The following PSMD11 variants were observed in gnomAD, a reference collection of about 807,000 sequenced individuals.
PSMD11 encodes proteasome 26S subunit, non-ATPase 11.
PSMD11 carries 5 observed loss-of-function variants against 62.3 expected under a neutral mutation model. The observed-to-expected ratio is 0.08, with a 90% CI of 0.04 to 0.17. The LOEUF is 0.17. PSMD11 is among the 10% of genes least tolerant of loss of function. The pLI is 1.00. For synonymous variants in PSMD11, 191 were observed against 191.8 expected (o/e 1.00, Z 0.03); for missense variants, 310 against 512.9 (o/e 0.60, Z 3.82).
At chr17:32,458,304 T>C (rs1907709757) in intron 3 of PSMD11, among the ~76,000 whole-genome samples, 1 of 152,172 alleles carries the variant, frequency 6.6e-6, no homozygotes, top group South Asian at 2.1e-4. Context: ...TTTTCTATAA[T>C]ACAACCTACT....
intron 8 of PSMD11, 115 bp downstream of exon 8, chr17:32,474,939 C>A: frequency 2.1e-6 from 2 of 948,170 alleles, no homozygotes; most frequent in Non-Finnish European, 1.7e-6. Context: ...CTTCCTTCTG[C>A]CCCACTCACT....
chr17:32,444,903 T>G, intron 1 of PSMD11: 4 of 484,514 alleles, frequency 8.3e-6, no homozygotes, highest in Admixed American at 4.0e-5. Context: ...GATCCCTCCC[T>G]AGCCATGTCC....
At chr17:32,478,970 T>A (rs1160179299) in intron 9 of PSMD11, among the ~76,000 whole-genome samples, 1 of 152,182 alleles carries the variant, frequency 6.6e-6, no homozygotes, top group Non-Finnish European at 1.5e-5. Flanking sequence ...AGATGGAGGC[T>A]CTCTGTGTTG....
At position 32,477,681 on chromosome 17, in the gene PSMD11, A is replaced by G. The variant is rs1023955299; in HGVS notation, c.912+98A>G. On this transcript the variant is annotated intron_variant, in intron 9 of 13. Transcript: ENST00000261712. Reference sequence around the variant, plus strand: ...TTAAAAATAATTATAGTTTCAAAAGAAGTTGCAAATGATTCCATGTATCCT... The same window carrying G: ...TTAAAAATAATTATAGTTTCAAAAGGAGTTGCAAATGATTCCATGTATCCT... The G allele has an allele frequency of 6.8e-6, 8 of 1,170,880 alleles. No homozygotes were observed. The African/African-American group carries it at 1.1e-4, about 16-fold the overall frequency. The allele number at this position is 1,170,880 out of a possible 1,614,324, so 72.5% of individuals were successfully genotyped here.
At chr17:32,463,911 T>G (rs1907916525) in intron 3 of PSMD11, 138 bp from the exon 4 acceptor site, 7 of 761,638 alleles carry the variant, frequency 9.2e-6, no homozygotes, top group Admixed American at 2.1e-5. Flanking sequence ...TATTACACAT[T>G]GAGATACTGT....
At chr17:32,473,353 C>T (rs538149564) in intron 6 of PSMD11, among the ~76,000 whole-genome samples, 2 of 151,638 alleles carry the variant, frequency 1.3e-5, no homozygotes, top group Admixed American at 6.6e-5. Flanking sequence ...CTCGGCTCAC[C>T]GCAACCTCCG....
intron 2 of PSMD11, among the ~76,000 whole-genome samples, chr17:32,452,508 A>G (rs907811047): frequency 1.3e-5 from 2 of 152,246 alleles, no homozygotes; most frequent in Non-Finnish European, 2.9e-5. Flanking sequence ...TTATTTTTGT[A>G]GATGACTCAG....
At chr17:32,450,657 G>A (rs1189600533) in intron 2 of PSMD11, among the ~76,000 whole-genome samples, 1 of 151,470 alleles carries the variant, frequency 6.6e-6, no homozygotes, top group Non-Finnish European at 1.5e-5. Flanking sequence ...GATTTTATGG[G>A]ACTTAAAAAA....
chr17:32,478,463 T>C (rs1044754094), intron 9 of PSMD11, among the ~76,000 whole-genome samples: 1 of 152,222 alleles, frequency 6.6e-6, no homozygotes, highest in Non-Finnish European at 1.5e-5. Context: ...ACATGAATAC[T>C]TGGTCTAGAT....
intron 2 of PSMD11, among the ~76,000 whole-genome samples, chr17:32,448,537 T>C (rs1310435339): frequency 6.6e-6 from 1 of 151,864 alleles, no homozygotes; most frequent in Non-Finnish European, 1.5e-5. Context: ...CCGGCTAATT[T>C]TGTATTTTTT....
Position 32,477,599 on chromosome 17 carries a change from G to T in PSMD11, c.912+16G>T, listed in dbSNP as rs755356802. 1.3e-6 allele frequency: 2 copies of T among 1,595,120 alleles called. No individual in the cohort carries two copies. Among genetic ancestry groups the T allele is most frequent in the Admixed American group, 3.4e-5 (2 of 59,246 alleles). On this transcript the variant is annotated intron_variant, in intron 9 of 13. Transcript: ENST00000261712. The stretch of plus-strand genomic sequence containing the variant: ...TTTTGAAAAGGTGAGTATGATATTG[G>T]GTTGGTATGGAATGTGAGTGGAAGA...
At chr17:32,452,316 T>C (rs553849809) in intron 2 of PSMD11, among the ~76,000 whole-genome samples, 103 of 152,314 alleles carry the variant, frequency 6.8e-4, no homozygotes, top group African/African-American at 2.3e-3. Flanking sequence ...TGCCATAATA[T>C]TAATATCACA....
chr17:32,450,514 G>A (rs540116977), intron 2 of PSMD11, among the ~76,000 whole-genome samples: 2 of 148,846 alleles, frequency 1.3e-5, no homozygotes, highest in African/African-American at 5.0e-5. Flanking sequence ...TGATCCACCC[G>A]CCTTGGCCTC....
At position 32,479,998 on chromosome 17, in the gene PSMD11, A is replaced by C. The variant is rs977265596; in HGVS notation, c.1074+112A>C. Reference sequence around the variant, plus strand: ...AAGCTCCCCAGCTTCTCAGTGGGGAATGGGCAGTGTGGACTAGAGTAGGAG... The same window carrying C: ...AAGCTCCCCAGCTTCTCAGTGGGGACTGGGCAGTGTGGACTAGAGTAGGAG... On this transcript the variant is annotated intron_variant, in intron 11 of 13. Coordinates refer to ENST00000261712, the MANE Select transcript of PSMD11 (RefSeq NM_002815.4). 8 of 1,484,300 alleles carry C rather than the reference A, an allele frequency of 5.4e-6. No homozygotes were observed. The African/African-American group carries it at 1.1e-4, about 21-fold the overall frequency. The allele number at this position is 1,484,300 out of a possible 1,614,324, so 91.9% of individuals were successfully genotyped here.
intron 12 of PSMD11, 110 bp from the exon 13 acceptor site, chr17:32,480,379 A>G: frequency 1.3e-6 from 2 of 1,485,638 alleles, no homozygotes; most frequent in Non-Finnish European, 1.9e-6. Flanking sequence ...GATGAATTCT[A>G]TTTCCCTTCT....
chr17:32,470,772 G>A (rs1376686144), intron 6 of PSMD11, among the ~76,000 whole-genome samples: 1 of 152,174 alleles, frequency 6.6e-6, no homozygotes, highest in Non-Finnish European at 1.5e-5. Flanking sequence ...GGGAGATGTG[G>A]AAAAATGGAG....
intron 8 of PSMD11, among the ~76,000 whole-genome samples, chr17:32,475,445 CTTGA>C (rs1443539482): frequency 1.3e-5 from 2 of 151,678 alleles, no homozygotes; most frequent in Admixed American, 6.6e-5. Flanking sequence ...TTGTATTTTG[CTTGA>C]TTATCACTAG....
intron 10 of PSMD11, 137 bp from the exon 11 acceptor site, chr17:32,479,714 A>C: frequency 9.9e-7 from 1 of 1,006,824 alleles, no homozygotes; most frequent in East Asian, 2.6e-5. Flanking sequence ...AGAGAACAAG[A>C]GACTTAAGCA....
intron 8 of PSMD11, chr17:32,476,622 A>G (rs1908329875): frequency 6.6e-6 from 1 of 152,204 alleles, no homozygotes; most frequent in Non-Finnish European, 1.5e-5. Flanking sequence ...AATCTCCCAG[A>G]AAGATGAGTG....
Sources: gnomAD v4.1 joint callset for allele counts (sites outside exome capture counted in the v4.1 genomes callset) on GRCh38, gnomAD v4.1.1 for gene constraint, MANE v1.5 for transcripts, NCBI Gene and HGNC (gene_info 2026-07-23, HGNC 2026-07-21) for gene names.